LIPE: variants seen among roughly 807,000 people sequenced by gnomAD.
The protein encoded by LIPE is hormone-sensitive lipase.
LIPE carries 66 observed loss-of-function variants against 88.5 expected under a neutral mutation model. The observed-to-expected ratio is 0.75, with a 90% CI of 0.61 to 0.91. The LOEUF (loss-of-function observed/expected upper bound fraction) is 0.91. Ranked by LOEUF, LIPE falls within the 40% of genes least tolerant of loss-of-function variation. LIPE has a pLI of 0.00. For missense variants in LIPE, 1,346 were observed against 1,434.7 expected, an observed-to-expected ratio of 0.94 and a Z score of 1.00; for synonymous variants, 570 against 617.5, an observed-to-expected ratio of 0.92 and a Z score of 1.14.
chr19:42,403,067 A>G (rs1459889088), intron 8 of LIPE, 36 bp from the exon 9 acceptor site: 8 of 1,499,036 alleles, frequency 5.3e-6, no homozygotes, highest in Non-Finnish European at 7.1e-6. Flanking sequence ...TGGCTCCGTT[A>G]GTTTGGTTGT....
intron 2 of LIPE, among the ~76,000 whole-genome samples, chr19:42,409,644 G>A (rs1022866849): frequency 6.6e-6 from 1 of 152,246 alleles, no homozygotes; most frequent in Admixed American, 6.5e-5. Flanking sequence ...GCCCCTGGCT[G>A]TGCGCCCAGT....
chr19:42,401,987 A>G lies in LIPE; in HGVS notation c.3056T>C (p.Val1019Ala). The stretch of plus-strand genomic sequence containing the variant: ...CAGGAAGCCGTGCGGCAGGTCCTCC[A>G]CCACGCGCAGCGTCACCGGCTGGCC... ...NLGQPVTLRV[V>A]EDLPHGFLTL... The change falls in exon 10 of 10, where the codon GTG (valine) becomes GCG (alanine). Residue 1019 changes from valine to alanine, a missense_variant. Transcript: ENST00000244289. 2 of 1,555,046 alleles carry G rather than the reference A, an allele frequency of 1.3e-6. No homozygotes were observed. The highest frequency in any genetic ancestry group is 2.4e-5 in the South Asian group (2 of 84,344).
At chr19:42,416,475 A>G (rs2040490044) in intron 1 of LIPE, among the ~76,000 whole-genome samples, 1 of 152,136 alleles carries the variant, frequency 6.6e-6, no homozygotes, top group South Asian at 2.1e-4. Flanking sequence ...AGATAAAACC[A>G]CCAGGTATTG....
rs1388285551 is a variant in LIPE, at chr19:42,408,832, A to C, written c.1420-510T>G. On this transcript the variant is annotated intron_variant, in intron 2 of 9. Coordinates refer to ENST00000244289, the MANE Select transcript of LIPE (RefSeq NM_005357.4). This position sits in a 1 kb window ranked among gnomAD's most constrained non-coding sequence, Gnocchi z 4.3. ...GAGCGAGACTCTGTCTCTAAAAAAA[A>C]AAAAAGGTGAGCTCATGCTTGGTGC... 6.6e-6 allele frequency among the ~76,000 whole-genome samples: 1 copy of C among 151,856 alleles called. No homozygotes were observed. Among genetic ancestry groups the C allele is most frequent in the Admixed American group, 6.6e-5 (1 of 15,244 alleles).
Position 42,410,927 on chromosome 19 carries a change from C to G in LIPE, c.884-85G>C. ...CCCAGGAGTCTGGGCCATAGCTTAC[C>G]CACTCCTCCTTCAAACCTCAGTGCT... On this transcript the variant is annotated intron_variant, in intron 1 of 9. Coordinates refer to ENST00000244289, the MANE Select transcript of LIPE (RefSeq NM_005357.4). The surrounding 1 kb of genome is among the most constrained non-coding windows in gnomAD (Gnocchi z 6.1). 4 of 1,315,138 alleles carry G rather than the reference C, an allele frequency of 3.0e-6. No homozygotes were observed. The highest frequency in any genetic ancestry group is 3.1e-6 in the Non-Finnish European group (3 of 965,476). The allele number at this position is 1,315,138 out of a possible 1,614,324, so 81.5% of individuals were successfully genotyped here.
chr19:42,407,229 C>T lies in LIPE; in HGVS notation c.2082G>A (p.Ala694=), dbSNP rs778944713. 24 of 1,570,858 alleles carry T rather than the reference C, an allele frequency of 1.5e-5. No homozygotes were observed. Among genetic ancestry groups the T allele is most frequent in the Admixed American group, 3.8e-5 (2 of 52,918 alleles). ...SLAPEAPFPR[A]LEECFFAYCW... Reference sequence around the variant, plus strand: ...AGTAGGCGAAGAAGCACTCCTCCAGCGCACGGGGGAAGGGGGCCTCAGGGG... The same window carrying T: ...AGTAGGCGAAGAAGCACTCCTCCAGTGCACGGGGGAAGGGGGCCTCAGGGG... The change falls in exon 6 of 10, where the codon GCG becomes GCA. Residue 694 remains alanine (A), a synonymous_variant. Transcript: ENST00000244289. This position sits in a 1 kb window ranked among gnomAD's most constrained non-coding sequence, Gnocchi z 5.8.
At chr19:42,423,419 C>A in intron 1 of LIPE, 1 of 1,289,610 alleles carries the variant, frequency 7.8e-7, no homozygotes, top group Non-Finnish European at 1.0e-6. Context: ...GCGCGCTCAC[C>A]TTTGGCCTTG....
intron 1 of LIPE, chr19:42,423,403 G>C: frequency 7.8e-7 from 1 of 1,289,288 alleles, no homozygotes; most frequent in African/African-American, 1.5e-5. Flanking sequence ...GCTGCTGCCG[G>C]TCTCCGCGCG....
chr19:42,405,715 G>C (rs2040148997), intron 7 of LIPE, 154 bp from the exon 8 acceptor site: 2 of 709,828 alleles, frequency 2.8e-6, no homozygotes, highest in African/African-American at 1.8e-5. Context: ...CACGCCTGTA[G>C]TCCCAGTACT....
intron 2 of LIPE, among the ~76,000 whole-genome samples, chr19:42,409,400 C>CAAAAAAAAAAAAAAA (rs760628566): frequency 1.4e-4 from 10 of 72,754 alleles, no homozygotes; most frequent in South Asian, 5.0e-4. Flanking sequence ...AAACAAAATA[C>CAAAAAAAAAAAAAAA]AAAAAAAAAA....
chr19:42,416,367 G>A (rs1257698258), intron 1 of LIPE, among the ~76,000 whole-genome samples: 1 of 152,136 alleles, frequency 6.6e-6, no homozygotes, highest in Non-Finnish European at 1.5e-5. Flanking sequence ...GCAAGGTGAT[G>A]TAGCAAGTGC....
rs138009253 is a variant in LIPE at position 42,405,502 on chromosome 19, C to G, written c.2425G>C (p.Val809Leu). ...AGGAGCAGGGCTGTGTCCCGCCGCA[C>G]CAGCCCCATCATGCCGAGGGCTTTC... is the stretch of plus-strand genomic sequence containing the variant. ...DQKALGMMGL[V>L]RRDTALLLRD... The change falls in exon 8 of 10, where the codon GTG becomes CTG. Residue 809 changes from valine (V) to leucine (L), a missense_variant. Physicochemically the swap from Val to Leu is conservative, Grantham distance 32. Coordinates refer to ENST00000244289, the MANE Select transcript of LIPE (RefSeq NM_005357.4). 3.3e-5 allele frequency: 53 copies of G among 1,614,192 alleles called. No individual in the cohort carries two copies. In the African/African-American group the frequency reaches 6.8e-4, roughly 21 times the overall value.
At chr19:42,416,748 G>A (rs1458761467) in intron 1 of LIPE, among the ~76,000 whole-genome samples, 1 of 152,226 alleles carries the variant, frequency 6.6e-6, no homozygotes, top group East Asian at 1.9e-4. Context: ...CAAGCCCACT[G>A]TTGAGACGGA....
chr19:42,402,133 G>A (rs959090706), intron 9 of LIPE, 58 bp from the exon 10 acceptor site: 6 of 1,404,652 alleles, frequency 4.3e-6, no homozygotes, highest in South Asian at 1.5e-5. Flanking sequence ...GACCGGGGTC[G>A]GGTAGAGCGA....
rs1174421816 is a variant in LIPE at position 42,426,379 on chromosome 19, T to A, written c.771A>T (p.Gly257=). ...ATTTTCCTTTGAAGCCTAGCTTCAC[T>A]CCCTGGGCCACCATTCCACCCATCG... The part of the protein sequence containing the change: ...PATMGGMVAQ[G]VKLGFKGKSG... Residue 257 remains glycine (G), a synonymous_variant, in exon 1 of 10, where the codon GGA becomes GGT. Transcript: ENST00000244289. 6.2e-7 allele frequency: 1 copy of A among 1,614,046 alleles called. No homozygotes were observed.
intron 2 of LIPE, among the ~76,000 whole-genome samples, chr19:42,409,371 G>T (rs946369598): frequency 6.9e-6 from 1 of 144,120 alleles, no homozygotes; most frequent in Non-Finnish European, 1.5e-5. Flanking sequence ...GGCCAACATG[G>T]TGAAACCCCA....
chr19:42,407,055 G>T lies in LIPE; in HGVS notation c.2137+119C>A. 1 of 883,676 alleles carries T rather than the reference G, an allele frequency of 1.1e-6. No individual in the cohort carries two copies. The highest frequency in any genetic ancestry group is 1.7e-6 in the Non-Finnish European group (1 of 596,984). The allele number at this position is 883,676 out of a possible 1,614,324, so 54.7% of individuals were successfully genotyped here. ...GATTGGGCAGGACCTGGGTGAGCAG[G>T]AGCTGGGAGGTGTGGGGGGAGAGAA... is the stretch of plus-strand genomic sequence containing the variant. On this transcript the variant is annotated intron_variant, in intron 6 of 9. Transcript: ENST00000244289. This position sits in a 1 kb window ranked among gnomAD's most constrained non-coding sequence, Gnocchi z 5.8.
chr19:42,416,438 C>T (rs2040489467), intron 1 of LIPE, among the ~76,000 whole-genome samples: 1 of 152,162 alleles, frequency 6.6e-6, no homozygotes, highest in Admixed American at 6.5e-5. Context: ...ATGAAGACGG[C>T]TACATTAAGC....
At chr19:42,421,547 T>C (rs1445072630) in intron 1 of LIPE, among the ~76,000 whole-genome samples, 2 of 152,254 alleles carry the variant, frequency 1.3e-5, no homozygotes, top group African/African-American at 4.8e-5. Context: ...TCAGTGAATG[T>C]CTGCTGAATG....
Sources: allele counts gnomAD v4.1 joint callset (sites outside exome capture counted in the v4.1 genomes callset), GRCh38; gene constraint gnomAD v4.1.1; non-coding constraint Gnocchi (gnomAD v3.1); transcripts MANE v1.5; gene names NCBI Gene and HGNC (gene_info 2026-07-23, HGNC 2026-07-21).